GNB1L: variants seen among roughly 807,000 people sequenced by gnomAD.
GNB1L encodes the protein guanine nucleotide-binding protein subunit beta-like protein 1.
Under a neutral mutation model 29.1 loss-of-function variants are expected in GNB1L, and 20 were observed. The ratio of observed to expected loss-of-function variants is 0.69; its 90% CI spans 0.48 to 1.00. The LOEUF is 1.00. Among genes scored for constraint, GNB1L ranks in the 50% least tolerant of loss-of-function variants. The probability of loss-of-function intolerance (pLI) is 0.00; values close to 1 mark genes in which losing one functional copy is unlikely to be tolerated. For synonymous variants in GNB1L, 193 were observed against 206.5 expected (o/e 0.93, Z 0.56); for missense variants, 421 against 464.9 (o/e 0.91, Z 0.87).
At chr22:19,793,250 A>G (rs1025077321) in intron 7 of GNB1L, among the ~76,000 whole-genome samples, 1 of 152,234 alleles carries the variant, frequency 6.6e-6, no homozygotes, top group Admixed American at 6.5e-5. Flanking sequence ...GGAAATTATA[A>G]AAAAGAGTCA....
At chr22:19,827,671 C>G (rs1276507047) in intron 2 of GNB1L, among the ~76,000 whole-genome samples, 1 of 152,130 alleles carries the variant, frequency 6.6e-6, no homozygotes, top group Admixed American at 6.5e-5. Context: ...AGCAGATTAG[C>G]AAAAAATTAA....
chr22:19,836,068 A>G (rs984408907), intron 2 of GNB1L, among the ~76,000 whole-genome samples: 2 of 152,208 alleles, frequency 1.3e-5, no homozygotes, highest in African/African-American at 4.8e-5. Context: ...GAGCAGAAAT[A>G]AATATTTTTA....
intron 3 of GNB1L, 68 bp from the exon 4 acceptor site, chr22:19,820,791 T>C: frequency 6.5e-7 from 1 of 1,537,510 alleles, no homozygotes; most frequent in Non-Finnish European, 8.8e-7. Context: ...GGGGCCAGCC[T>C]GGAGGCCACA....
intron 2 of GNB1L, chr22:19,851,348 T>C: frequency 6.2e-7 from 1 of 1,614,128 alleles, no homozygotes. Flanking sequence ...ATTAGCTGAC[T>C]CCGACAGTCT....
chr22:19,810,253 C>T (rs555760963), intron 5 of GNB1L, among the ~76,000 whole-genome samples: 12 of 152,244 alleles, frequency 7.9e-5, no homozygotes, highest in Admixed American at 2.6e-4. Flanking sequence ...ACAGCCTACA[C>T]GGCCATACAC....
At chr22:19,823,583 G>A (rs115619163) in intron 2 of GNB1L, among the ~76,000 whole-genome samples, 1,533 of 152,274 alleles carry the variant, frequency 0.01, 28 homozygotes, top group African/African-American at 0.033. Flanking sequence ...GGAAAGCACC[G>A]AGTCCAGGAT....
chr22:19,840,535 G>A (rs1312556319), intron 2 of GNB1L, among the ~76,000 whole-genome samples: 3 of 152,144 alleles, frequency 2.0e-5, no homozygotes, highest in Admixed American at 6.6e-5. Flanking sequence ...AATGGGCCAG[G>A]TGCATGGCTC....
rs546357448 is a variant in GNB1L, at chr22:19,801,653, G to GTT, written c.732+346_732+347dup. 6.5e-3 allele frequency among the ~76,000 whole-genome samples: 896 copies of GTT among 137,652 alleles called. 9 individuals are homozygous for GTT. Among genetic ancestry groups the GTT allele is most frequent in the African/African-American group, 0.019 (697 of 37,402 alleles). The allele number at this position is 137,652 out of a possible 152,430, so 90.3% of individuals were successfully genotyped here. A position where few individuals can be genotyped will look rare whatever the true frequency, so the allele number is the denominator to read the frequency against. ...CAGCTCCTCGCAGTTTTCCACACTG[G>GTT]TTTTTTTTTTTTTTTTTTGATTAAT... is the stretch of plus-strand genomic sequence containing the variant. On this transcript the variant is annotated intron_variant, in intron 7 of 7. Coordinates refer to ENST00000329517, the MANE Select transcript of GNB1L (RefSeq NM_053004.3).
chr22:19,847,803 GCAAAAAAA>G, intron 2 of GNB1L: 1 of 437,872 alleles, frequency 2.3e-6, no homozygotes, highest in African/African-American at 4.5e-5. Context: ...GGAATCATAG[GCAAAAAAA>G]AAAAAAAAAA....
At position 19,850,696 on chromosome 22, in the gene GNB1L, C is replaced by T. The variant is rs566267398; in HGVS notation, c.-21+3747G>A. The stretch of plus-strand genomic sequence containing the variant: ...CAGCTGGGACAGAAGTCACAGGGAG[C>T]AGAGAGGGTGGGGCTAGGGGGACAG... On this transcript the variant is annotated intron_variant, in intron 2 of 7. Coordinates refer to ENST00000329517, the MANE Select transcript of GNB1L (RefSeq NM_053004.3). 17 of 1,233,478 alleles carry T rather than the reference C, an allele frequency of 1.4e-5. No homozygotes were observed. In the South Asian group the frequency reaches 6.7e-4, roughly 49 times the overall value. The allele number at this position is 1,233,478 out of a possible 1,614,324, so 76.4% of individuals were successfully genotyped here.
intron 2 of GNB1L, among the ~76,000 whole-genome samples, chr22:19,831,690 C>CA (rs902106860): frequency 3.5e-3 from 425 of 121,630 alleles, no homozygotes; most frequent in African/African-American, 5.1e-3. Flanking sequence ...GACTCTGCCT[C>CA]AAAAAAAAAA....
chr22:19,851,161 C>A (rs377600181), intron 2 of GNB1L: 10 of 1,583,792 alleles, frequency 6.3e-6, no homozygotes, highest in Non-Finnish European at 8.6e-6. Context: ...CCCACCTGGG[C>A]TGTGTTCAGA....
At chr22:19,805,124 C>T (rs11703805) in intron 6 of GNB1L, among the ~76,000 whole-genome samples, 4 of 148,936 alleles carry the variant, frequency 2.7e-5, no homozygotes, top group African/African-American at 9.8e-5. Flanking sequence ...AGGTGAGCCT[C>T]CCGGAAGCCA....
intron 2 of GNB1L, chr22:19,850,945 A>T: frequency 7.3e-7 from 1 of 1,372,242 alleles, no homozygotes. Flanking sequence ...TGCAGCAGAG[A>T]GCCAGCAGCA....
intron 1 of GNB1L, 26 bp from the exon 2 acceptor site, chr22:19,854,565 C>T (rs1432046807): frequency 6.5e-6 from 1 of 152,758 alleles, no homozygotes; most frequent in Non-Finnish European, 1.5e-5. Context: ...CGAGATCGGC[C>T]GCCGTGAGGC....
Position 19,816,625 on chromosome 22 carries a change from CACACACCTCAT to C in GNB1L, c.254+3962_254+3972del. On this transcript the variant is annotated intron_variant, in intron 4 of 7. Coordinates refer to ENST00000329517, the MANE Select transcript of GNB1L (RefSeq NM_053004.3). The surrounding 1 kb of genome is among the most constrained non-coding windows in gnomAD (Gnocchi z 4.4). Reference sequence around the variant, plus strand: ...GCACACAACACACAATCACACACACCACACACCTCATACACACCTCACATACATACACACCA... The same window carrying C: ...GCACACAACACACAATCACACACACCACACACCTCACATACATACACACCA... 6.6e-6 allele frequency among the ~76,000 whole-genome samples: 1 copy of C among 151,994 alleles called. No homozygotes were observed. The highest frequency in any genetic ancestry group is 1.5e-5 in the Non-Finnish European group (1 of 67,962).
intron 5 of GNB1L, 121 bp from the exon 6 acceptor site, chr22:19,806,878 G>A (rs549857004): frequency 3.1e-4 from 238 of 765,912 alleles, no homozygotes; most frequent in Middle Eastern, 1.1e-3. Flanking sequence ...TCCCCTCCCC[G>A]TGGGCACCTG....
intron 2 of GNB1L, among the ~76,000 whole-genome samples, chr22:19,829,925 CTA>C (rs1338142239): frequency 6.6e-6 from 1 of 152,238 alleles, no homozygotes; most frequent in East Asian, 1.9e-4. Context: ...GACATTCCCA[CTA>C]AGATCAGAAT....
intron 2 of GNB1L, chr22:19,849,882 C>A: frequency 2.0e-6 from 2 of 985,480 alleles, no homozygotes; most frequent in Non-Finnish European, 2.4e-6. Flanking sequence ...ACCTGCCTAT[C>A]CTGTGGTAAA....
Sources: allele counts gnomAD v4.1 joint callset (sites outside exome capture counted in the v4.1 genomes callset), GRCh38; gene constraint gnomAD v4.1.1; non-coding constraint Gnocchi (gnomAD v3.1); transcripts MANE v1.5; gene names NCBI Gene and HGNC (gene_info 2026-07-23, HGNC 2026-07-21).